RGS12: variants seen among roughly 807,000 people sequenced by gnomAD.
RGS12 encodes regulator of G protein signaling 12.
RGS12 carries 66 observed loss-of-function variants against 120.1 expected under a neutral mutation model. The observed-to-expected ratio is 0.55, with a 90% confidence interval of 0.45 to 0.67. RGS12 has a LOEUF of 0.67. Ranked by LOEUF, RGS12 falls within the 30% of genes least tolerant of loss-of-function variation. The pLI is 0.00. For missense variants in RGS12, 1,859 were observed against 1,957.7 expected, an observed-to-expected ratio of 0.95 and a Z score of 0.95; for synonymous variants, 827 against 804.7, an observed-to-expected ratio of 1.03 and a Z score of -0.47.
rs1716312786 is a variant in RGS12, at chr4:3,366,428, C to G, written c.1999-19988C>G. On this transcript the variant is annotated intron_variant, in intron 3 of 17. Coordinates refer to ENST00000336727, the MANE Select transcript of RGS12 (RefSeq NM_001394154.1). This position sits in a 1 kb window ranked among gnomAD's most constrained non-coding sequence, Gnocchi z 4.0. ...AGAGAATCAGGGCCTGTGCTCATATCTGTGAGCTCTGCAGATGTCTCCCGG... is the reference window on the plus strand; with the variant it reads ...AGAGAATCAGGGCCTGTGCTCATATGTGTGAGCTCTGCAGATGTCTCCCGG... 6.6e-6 allele frequency among the ~76,000 whole-genome samples: 1 copy of G among 152,114 alleles called. No homozygotes were observed. Among genetic ancestry groups the G allele is most frequent in the Non-Finnish European group, 1.5e-5 (1 of 68,006 alleles).
At chr4:3,414,280 T>C in intron 5 of RGS12, 39 bp downstream of exon 5, 1 of 1,500,126 alleles carries the variant, frequency 6.7e-7, no homozygotes, top group Non-Finnish European at 8.9e-7. Context: ...GAGCGGTCTG[T>C]GCTCTGCAGA....
At chr4:3,416,171 G>T (rs942537631) in intron 7 of RGS12, 50 bp downstream of exon 7, 3 of 1,599,772 alleles carry the variant, frequency 1.9e-6, no homozygotes, top group Non-Finnish European at 1.7e-6. Flanking sequence ...AGGGCTCGGG[G>T]TATAGGGTCC....
chr4:3,405,565 G>A (rs898113267), intron 4 of RGS12, among the ~76,000 whole-genome samples: 4 of 152,248 alleles, frequency 2.6e-5, no homozygotes, highest in African/African-American at 9.6e-5. Context: ...GAGCTGGAAA[G>A]GACAGGATTG....
chr4:3,425,610 C>A, intron 14 of RGS12, 50 bp downstream of exon 14: 1 of 1,298,204 alleles, frequency 7.7e-7, no homozygotes, highest in Non-Finnish European at 1.0e-6. Context: ...GGGTCCAGTG[C>A]AGGGGAGGGG....
At chr4:3,439,300 C>A (rs904660752) in intron 17 of RGS12, among the ~76,000 whole-genome samples, 155 bp from the exon 18 acceptor site, 1 of 152,088 alleles carries the variant, frequency 6.6e-6, no homozygotes, top group Non-Finnish European at 1.5e-5. Flanking sequence ...AGCCTGGAGG[C>A]CCACAGCGGG....
intron 2 of RGS12, among the ~76,000 whole-genome samples, chr4:3,329,819 T>TTGATGGAAAAGTTAA (rs1711642362): frequency 1.3e-5 from 2 of 152,092 alleles, no homozygotes; most frequent in Middle Eastern, 3.4e-3. Context: ...GAGTGCAAAA[T>TTGATGGAAAAGTTAA]TTCAGTCTAT....
At chr4:3,296,907 C>T (rs547905421) in intron 1 of RGS12, among the ~76,000 whole-genome samples, 3 of 152,276 alleles carry the variant, frequency 2.0e-5, no homozygotes, top group South Asian at 2.1e-4. Context: ...GAGGTGGGGT[C>T]GTTACCAGTT....
chr4:3,414,331 G>T, intron 5 of RGS12, 90 bp downstream of exon 5: 1 of 1,391,402 alleles, frequency 7.2e-7, no homozygotes, highest in South Asian at 1.4e-5. Flanking sequence ...AGAGACAGCG[G>T]CACCCTGCGG....
chr4:3,340,719 G>C (rs1037462756), intron 2 of RGS12, among the ~76,000 whole-genome samples: 2 of 152,016 alleles, frequency 1.3e-5, no homozygotes, highest in Non-Finnish European at 2.9e-5. Context: ...GAGCTGGCGG[G>C]AGCCTGAGCT....
intron 1 of RGS12, among the ~76,000 whole-genome samples, chr4:3,301,174 C>G (rs1433045465): frequency 1.3e-5 from 2 of 151,482 alleles, no homozygotes; most frequent in African/African-American, 4.9e-5. Flanking sequence ...CTGCCCTCCT[C>G]TGTAACACGG....
intron 3 of RGS12, among the ~76,000 whole-genome samples, chr4:3,376,252 A>ACACT (rs1717677357): frequency 1.4e-5 from 1 of 71,930 alleles, no homozygotes; most frequent in African/African-American, 4.0e-5. Flanking sequence ...CTTGGAACAC[A>ACACT]CACACACACA....
At chr4:3,402,300 T>A (rs771989965) in intron 4 of RGS12, among the ~76,000 whole-genome samples, 35 of 152,198 alleles carry the variant, frequency 2.3e-4, no homozygotes, top group Non-Finnish European at 4.3e-4. Context: ...CATCTGCCCC[T>A]GATGTGTAGA....
At chr4:3,295,490 G>A (rs141735479) in intron 1 of RGS12, among the ~76,000 whole-genome samples, 2,001 of 151,878 alleles carry the variant, frequency 0.013, 40 homozygotes, top group African/African-American at 0.046. Context: ...GTGAAACCCC[G>A]TCTCTACTAA....
At chr4:3,309,011 G>A (rs985426621) in intron 1 of RGS12, among the ~76,000 whole-genome samples, 1 of 152,230 alleles carries the variant, frequency 6.6e-6, no homozygotes, top group Non-Finnish European at 1.5e-5. Context: ...CCGGGCAGGG[G>A]AGGAGCTGGG....
At chr4:3,326,386 A>G (rs1286493013) in intron 2 of RGS12, among the ~76,000 whole-genome samples, 3 of 152,182 alleles carry the variant, frequency 2.0e-5, no homozygotes, top group African/African-American at 4.8e-5. Flanking sequence ...AGCTAGAACT[A>G]CAGGTGCATA....
At position 3,422,458 on chromosome 4, in the gene RGS12, G is replaced by A. The variant is rs754410879; in HGVS notation, c.2921G>A (p.Cys974Tyr). The change falls in exon 11 of 18, where the codon TGC becomes TAC. Residue 974 changes from cysteine to tyrosine, a missense_variant. Physicochemically the swap from Cys to Tyr is radical, Grantham distance 194 (BLOSUM62 -2). Transcript: ENST00000336727. Reference protein sequence around the residue: ...CCIHLPDGTSCVVAVKAGFSI... With the variant: ...CCIHLPDGTSYVVAVKAGFSI... ...ATTCATCTCCCGGATGGGACATCCT[G>A]CGTGGTGGCTGTCAAGGCGGGCTTC... is the stretch of plus-strand genomic sequence containing the variant. 6.2e-7 allele frequency: 1 copy of A among 1,613,198 alleles called. No individual in the cohort carries two copies. Among genetic ancestry groups the A allele is most frequent in the Non-Finnish European group, 8.5e-7 (1 of 1,179,990 alleles).
intron 1 of RGS12, among the ~76,000 whole-genome samples, chr4:3,298,695 G>A (rs1486742773): frequency 6.6e-6 from 1 of 152,112 alleles, no homozygotes; most frequent in Non-Finnish European, 1.5e-5. Context: ...AGGAGGGTTT[G>A]CTTTGTATTT....
chr4:3,436,657 C>G (rs536383850), intron 17 of RGS12, among the ~76,000 whole-genome samples: 1 of 152,188 alleles, frequency 6.6e-6, no homozygotes, highest in African/African-American at 2.4e-5. Context: ...CAGGGTGGGG[C>G]GGGGTCCTGC....
intron 2 of RGS12, among the ~76,000 whole-genome samples, chr4:3,319,401 A>G (rs529909836): frequency 9.2e-5 from 14 of 151,756 alleles, no homozygotes; most frequent in Non-Finnish European, 2.9e-5. Flanking sequence ...TTTTTTTTTT[A>G]AAACACTTGT....
Sources: allele counts gnomAD v4.1 joint callset (sites outside exome capture counted in the v4.1 genomes callset), GRCh38; gene constraint gnomAD v4.1.1; non-coding constraint Gnocchi (gnomAD v3.1); transcripts MANE v1.5; gene names NCBI Gene and HGNC (gene_info 2026-07-23, HGNC 2026-07-21).